The following TRIB2 variants were observed in gnomAD, a reference collection of about 807,000 sequenced individuals.
The protein encoded by TRIB2 is tribbles pseudokinase 2.
TRIB2 carries 2 observed loss-of-function variants against 26.8 expected under a neutral mutation model. The observed-to-expected ratio is 0.07, with a 90% confidence interval of 0.03 to 0.24. The LOEUF is 0.24. TRIB2 is among the 10% of genes least tolerant of loss of function. The pLI, the probability that TRIB2 is intolerant of heterozygous loss-of-function variation, is 1.00. For missense variants in TRIB2, 306 were observed against 449.0 expected (o/e 0.68, Z 2.88); for synonymous variants, 189 against 187.3 (o/e 1.01, Z -0.08).
chr2:12,721,263 C>A (rs1023560681), intron 1 of TRIB2, among the ~76,000 whole-genome samples: 1 of 152,152 alleles, frequency 6.6e-6, no homozygotes, highest in Non-Finnish European at 1.5e-5. Context: ...TTTAAAAATT[C>A]TGTCTCCAGT....
At chr2:12,721,114 T>G (rs554001966) in intron 1 of TRIB2, among the ~76,000 whole-genome samples, 1 of 152,320 alleles carries the variant, frequency 6.6e-6, no homozygotes, top group South Asian at 2.1e-4. Flanking sequence ...TGATAGCTAC[T>G]AATAAAAGTT....
intron 2 of TRIB2, among the ~76,000 whole-genome samples, chr2:12,727,566 A>T (rs1013011305): frequency 5.3e-5 from 8 of 152,202 alleles, no homozygotes; most frequent in Non-Finnish European, 1.0e-4. Context: ...GTAGGCGGCC[A>T]CAGGCACATG....
At chr2:12,735,433 C>G (rs542714475) in intron 2 of TRIB2, among the ~76,000 whole-genome samples, 4 of 152,134 alleles carry the variant, frequency 2.6e-5, no homozygotes, top group African/African-American at 7.2e-5. Context: ...ACTGAGCAAC[C>G]CTGGTGTGGT....
chr2:12,736,066 C>T (rs1043512372), intron 2 of TRIB2, among the ~76,000 whole-genome samples: 2 of 151,950 alleles, frequency 1.3e-5, no homozygotes, highest in African/African-American at 4.8e-5. Flanking sequence ...TCTGAGGCTT[C>T]CAGAAAGAGG....
At chr2:12,726,272 G>C (rs532569272) in intron 2 of TRIB2, among the ~76,000 whole-genome samples, 9 of 152,150 alleles carry the variant, frequency 5.9e-5, no homozygotes, top group Non-Finnish European at 1.2e-4. Context: ...TTTTCTTCTT[G>C]TTGTTTTGTA....
At chr2:12,735,541 T>G (rs1450980675) in intron 2 of TRIB2, among the ~76,000 whole-genome samples, 4 of 152,132 alleles carry the variant, frequency 2.6e-5, no homozygotes, top group Non-Finnish European at 5.9e-5. Context: ...CTACTCAGAC[T>G]CTCTGAGCAT....
intron 1 of TRIB2, among the ~76,000 whole-genome samples, chr2:12,722,655 A>T (rs1289180403): frequency 7.0e-6 from 1 of 143,084 alleles, no homozygotes; most frequent in Non-Finnish European, 1.6e-5. Context: ...ATTCAGAAGG[A>T]TTCTATCATA....
At chr2:12,722,076 C>T (rs866982489) in intron 1 of TRIB2, among the ~76,000 whole-genome samples, 1 of 152,188 alleles carries the variant, frequency 6.6e-6, no homozygotes, top group South Asian at 2.1e-4. Context: ...ACCCTAAGCT[C>T]TTTATCCATC....
chr2:12,736,791 A>G (rs1194320887), intron 2 of TRIB2, among the ~76,000 whole-genome samples: 1 of 152,256 alleles, frequency 6.6e-6, no homozygotes, highest in Non-Finnish European at 1.5e-5. Context: ...TGAGGTGATC[A>G]TCCCAAAATG....
At chr2:12,731,537 A>G (rs10189072) in intron 2 of TRIB2, among the ~76,000 whole-genome samples, 102,765 of 152,042 alleles carry the variant, frequency 0.68, 34,849 homozygotes, top group East Asian at 0.82. Context: ...GGATTGAAGA[A>G]TTGGGGGCAA....
Position 12,718,656 on chromosome 2 carries a change from A to G in TRIB2, c.270+79A>G. The G allele has an allele frequency of 6.6e-7, 1 of 1,525,600 alleles. No individual in the cohort carries two copies. Among genetic ancestry groups the G allele is most frequent in the South Asian group, 1.2e-5 (1 of 82,124 alleles). The allele number at this position is 1,525,600 out of a possible 1,614,324, so 94.5% of individuals were successfully genotyped here. A position where few individuals can be genotyped will look rare whatever the true frequency, so the allele number is the denominator to read the frequency against. ...AGGGCGCCAGGCCCTCGAGTCTGGG[A>G]GAGGGAGATTCGCGGGATAATTACC... On this transcript the variant is annotated intron_variant, in intron 1 of 2. Coordinates refer to ENST00000155926, the MANE Select transcript of TRIB2 (RefSeq NM_021643.4). This position sits in a 1 kb window ranked among gnomAD's most constrained non-coding sequence, Gnocchi z 4.0.
chr2:12,727,548 G>A (rs1661363258), intron 2 of TRIB2, among the ~76,000 whole-genome samples: 1 of 152,192 alleles, frequency 6.6e-6, no homozygotes, highest in African/African-American at 2.4e-5. Context: ...GACCATATGT[G>A]CACTGGAGTA....
intron 1 of TRIB2, among the ~76,000 whole-genome samples, chr2:12,719,277 C>T (rs1408526671): frequency 6.6e-6 from 1 of 152,084 alleles, no homozygotes; most frequent in Non-Finnish European, 1.5e-5. Context: ...TCCGTGCCCC[C>T]CTGAACAACA....
intron 1 of TRIB2, among the ~76,000 whole-genome samples, chr2:12,719,771 A>G (rs971306733): frequency 6.7e-6 from 1 of 149,614 alleles, no homozygotes; most frequent in African/African-American, 2.5e-5. Context: ...GGAGATCTCC[A>G]GTCAGTTTTG....
chr2:12,726,811 C>T (rs1446553767), intron 2 of TRIB2, among the ~76,000 whole-genome samples: 1 of 152,232 alleles, frequency 6.6e-6, no homozygotes, highest in Non-Finnish European at 1.5e-5. Context: ...ATCGAAAGTG[C>T]AGGCTTTACG....
Position 12,718,516 on chromosome 2 carries a change from T to G in TRIB2, c.209T>G (p.Leu70Arg). ...CIGKYLLLEP[L>R]EGDHVFRAVH... The stretch of plus-strand genomic sequence containing the variant: ...GGGAAATACTTATTGTTGGAACCTC[T>G]GGAGGGAGACCACGTTTTTCGTGCC... Residue 70 changes from leucine to arginine, a missense_variant, in exon 1 of 3, where the codon CTG becomes CGG. Leu to Arg is a moderately radical substitution (Grantham distance 102). This residue lies in a region of TRIB2 where 99 missense variants were observed against 106.5 expected (regional missense o/e 0.93). Coordinates refer to ENST00000155926, the MANE Select transcript of TRIB2 (RefSeq NM_021643.4). The surrounding 1 kb of genome is among the most constrained non-coding windows in gnomAD (Gnocchi z 4.0). 1 of 1,614,174 alleles carries G rather than the reference T, an allele frequency of 6.2e-7. No individual in the cohort carries two copies. Among genetic ancestry groups the G allele is most frequent in the East Asian group, 2.2e-5 (1 of 44,872 alleles).
rs1034656431 is a variant in TRIB2, at chr2:12,717,001, C to T, written c.-1307C>T. 6.0e-6 allele frequency: 1 copy of T among 166,874 alleles called. No homozygotes were observed. The highest frequency in any genetic ancestry group is 1.3e-5 in the Non-Finnish European group (1 of 78,514). The allele number at this position is 166,874 out of a possible 1,614,324, so 10.3% of individuals were successfully genotyped here. ...CTCACGGCCCCGCTCGCTCCGAGAT[C>T]CCCGGCCACGTAAGTAACTATTAAT... is the stretch of plus-strand genomic sequence containing the variant. On this transcript the variant is annotated 5_prime_UTR_variant, in exon 1 of 3. Coordinates refer to ENST00000155926, the MANE Select transcript of TRIB2 (RefSeq NM_021643.4). The surrounding 1 kb of genome is among the most constrained non-coding windows in gnomAD (Gnocchi z 4.8).
rs1189700330 is a variant in TRIB2 at position 12,717,546 on chromosome 2, C to T, written c.-762C>T. 2.5e-6 allele frequency: 1 copy of T among 398,200 alleles called. No homozygotes were observed. Among genetic ancestry groups the T allele is most frequent in the Non-Finnish European group, 4.4e-6 (1 of 225,832 alleles). The allele number at this position is 398,200 out of a possible 1,614,324, so 24.7% of individuals were successfully genotyped here. ...GCCCGCGCCGCAACTCTGTGCCCAG[C>T]TTTTGCAATCTTTTGTTGGCAGCGC... On this transcript the variant is annotated 5_prime_UTR_variant, in exon 1 of 3. Transcript: ENST00000155926. The surrounding 1 kb of genome is among the most constrained non-coding windows in gnomAD (Gnocchi z 4.8).
In TRIB2 at chr2:12,717,215, G is replaced by C; in HGVS notation, c.-1093G>C. On this transcript the variant is annotated 5_prime_UTR_variant, in exon 1 of 3. Coordinates refer to ENST00000155926, the MANE Select transcript of TRIB2 (RefSeq NM_021643.4). The surrounding 1 kb of genome is among the most constrained non-coding windows in gnomAD (Gnocchi z 4.8). The stretch of plus-strand genomic sequence containing the variant: ...AACCCCACCGGGCAATTTGGTCTCG[G>C]GGTAGGGGGAGACGGGGTGATTGCA... The C allele has an allele frequency of 2.5e-6, 1 of 396,830 alleles. No homozygotes were observed. The highest frequency in any genetic ancestry group is 4.4e-6 in the Non-Finnish European group (1 of 225,408). 24.6% of individuals were successfully genotyped at this position (396,830 alleles called of 1,614,324 possible). A position where few individuals can be genotyped will look rare whatever the true frequency, so the allele number is the denominator to read the frequency against.
Sources: allele counts gnomAD v4.1 joint callset (sites outside exome capture counted in the v4.1 genomes callset), GRCh38; gene constraint gnomAD v4.1.1; regional missense constraint gnomAD v4.1.1; non-coding constraint Gnocchi (gnomAD v3.1); transcripts MANE v1.5; gene names NCBI Gene and HGNC (gene_info 2026-07-23, HGNC 2026-07-21).